The following KCNH1 variants were observed in gnomAD, a reference collection of about 807,000 sequenced individuals.
The protein encoded by KCNH1 is voltage-gated delayed rectifier potassium channel KCNH1.
A neutral mutation model predicts 69.2 loss-of-function variants in KCNH1; 27 were observed. That is an observed-to-expected ratio of 0.39 (90% CI 0.29 to 0.54). The LOEUF (loss-of-function observed/expected upper bound fraction) is 0.54, where lower values mean the gene tolerates loss of function less well. KCNH1 is among the 20% of genes least tolerant of loss of function. KCNH1 has a pLI of 0.68. For missense variants in KCNH1, 798 were observed against 1,261.6 expected, an observed-to-expected ratio of 0.63 and a Z score of 5.57; for synonymous variants, 456 against 487.7, an observed-to-expected ratio of 0.93 and a Z score of 0.86.
intron 10 of KCNH1, among the ~76,000 whole-genome samples, chr1:210,716,026 T>C (rs539886534): frequency 1.3e-5 from 2 of 152,140 alleles, no homozygotes; most frequent in Non-Finnish European, 2.9e-5. Flanking sequence ...CTAGGAAATT[T>C]ATGTATCACA....
chr1:210,731,231 C>T (rs73067484), intron 10 of KCNH1, among the ~76,000 whole-genome samples: 3,132 of 152,264 alleles, frequency 0.021, 101 homozygotes, highest in African/African-American at 0.069. Context: ...TTACAGTGAG[C>T]GTGTATCCAT....
At chr1:210,790,335 A>G (rs1039726932) in intron 9 of KCNH1, among the ~76,000 whole-genome samples, 1 of 152,062 alleles carries the variant, frequency 6.6e-6, no homozygotes, top group Non-Finnish European at 1.5e-5. Context: ...GCTCACCGTT[A>G]TCTCTCTCAC....
In KCNH1 at chr1:211,090,640, C is replaced by A; in HGVS notation, c.361G>T (p.Asp121Tyr). 1 of 1,608,756 alleles carries A rather than the reference C, an allele frequency of 6.2e-7. No homozygotes were observed. Among genetic ancestry groups the A allele is most frequent in the Non-Finnish European group, 8.5e-7 (1 of 1,178,932 alleles). The change falls in exon 4 of 11, where the codon GAT (aspartate) becomes TAT (tyrosine). Residue 121 changes from aspartate to tyrosine, a missense_variant. Asp to Tyr is a radical substitution (Grantham distance 160). This residue lies in a region of KCNH1 where 266 missense variants were observed against 457.2 expected (regional missense o/e 0.58). Coordinates refer to ENST00000271751, the MANE Select transcript of KCNH1 (RefSeq NM_172362.3). ...GTGCAAAGAAATAAAACCACTTTAT[C>A]CTGTTCGTTTCGAATTGGAGCAATT... ...VKIAPIRNEQ[D>Y]KVVLFLCTFS...
intron 9 of KCNH1, among the ~76,000 whole-genome samples, chr1:210,796,767 A>G (rs933621393): frequency 6.6e-6 from 1 of 152,058 alleles, no homozygotes; most frequent in South Asian, 2.1e-4. Flanking sequence ...TCAGGCCACC[A>G]TCAACTTACC....
chr1:210,965,734 G>A (rs999326384), intron 6 of KCNH1, among the ~76,000 whole-genome samples: 3 of 152,084 alleles, frequency 2.0e-5, no homozygotes, highest in Admixed American at 1.3e-4. Flanking sequence ...AATAAGAGAG[G>A]ACATAAACAA....
chr1:210,847,957 T>G (rs1315132929), intron 7 of KCNH1, among the ~76,000 whole-genome samples: 1 of 152,104 alleles, frequency 6.6e-6, no homozygotes, highest in Non-Finnish European at 1.5e-5. Flanking sequence ...GTGGGCCAGA[T>G]CCTGGAAGGC....
At chr1:210,982,296 T>A (rs544735746) in intron 6 of KCNH1, among the ~76,000 whole-genome samples, 1 of 152,016 alleles carries the variant, frequency 6.6e-6, no homozygotes, top group East Asian at 1.9e-4. Flanking sequence ...TAGGGTAAAG[T>A]TTTAGGGTAC....
chr1:210,847,670 T>G (rs936392921), intron 7 of KCNH1, among the ~76,000 whole-genome samples: 1 of 151,962 alleles, frequency 6.6e-6, no homozygotes, highest in African/African-American at 2.4e-5. Flanking sequence ...AGATGGCACA[T>G]GTATACATAT....
intron 7 of KCNH1, among the ~76,000 whole-genome samples, chr1:210,827,366 T>C (rs1461527619): frequency 1.3e-5 from 2 of 151,832 alleles, no homozygotes; most frequent in Non-Finnish European, 2.9e-5. Flanking sequence ...AAAAGAAATA[T>C]CAGCTTTTAA....
chr1:210,932,722 T>A lies in KCNH1; in HGVS notation c.1033-12653A>T, dbSNP rs145238238. Among the ~76,000 whole-genome samples, 15 of 152,196 alleles carry A rather than the reference T, an allele frequency of 9.9e-5. No homozygotes were observed. In the East Asian group the frequency reaches 2.9e-3, roughly 29 times the overall value. ...GCAGGAGTAGCACACTTATGTCAGA[T>A]AAAATAAACTTTAAGCCAAAAACTG... On this transcript the variant is annotated intron_variant, in intron 6 of 10. Coordinates refer to ENST00000271751, the MANE Select transcript of KCNH1 (RefSeq NM_172362.3).
chr1:211,010,991 T>A lies in KCNH1; in HGVS notation c.1032+7792A>T, dbSNP rs577605905. Among the ~76,000 whole-genome samples the A allele has an allele frequency of 2.3e-4, 35 of 152,234 alleles. 1 individual carries two copies. The highest frequency in any genetic ancestry group is 3.4e-3 in the Middle Eastern group (1 of 294). ...TCCCCAGTGCTAAACTCTTTTTTTT[T>A]AATCATACTTTAAGCTCTGGGATAC... On this transcript the variant is annotated intron_variant, in intron 6 of 10. Transcript: ENST00000271751.
Position 211,119,108 on chromosome 1 carries a change from C to T in KCNH1, c.80-11731G>A, listed in dbSNP as rs11801765. ...GGGCGCGGTGGCTCATGCCTGTAAT[C>T]CCAGCACTTTGGGAGGCCGAGGCAG... is the stretch of plus-strand genomic sequence containing the variant. On this transcript the variant is annotated intron_variant, in intron 1 of 10. Coordinates refer to ENST00000271751, the MANE Select transcript of KCNH1 (RefSeq NM_172362.3). Among the ~76,000 whole-genome samples, 1,174 of 152,316 alleles carry T rather than the reference C, an allele frequency of 7.7e-3. 17 individuals carry two copies. The highest frequency in any genetic ancestry group is 0.025 in the African/African-American group (1,023 of 41,560).
chr1:210,940,209 T>C (rs1042001878), intron 6 of KCNH1, among the ~76,000 whole-genome samples: 1 of 152,210 alleles, frequency 6.6e-6, no homozygotes, highest in African/African-American at 2.4e-5. Context: ...AATCATTTCC[T>C]GAAAACCTAG....
At chr1:211,115,717 G>GTATATA (rs1178328609) in intron 1 of KCNH1, among the ~76,000 whole-genome samples, 4 of 96,722 alleles carry the variant, frequency 4.1e-5, no homozygotes, top group Non-Finnish European at 9.1e-5. Context: ...ATATATATAT[G>GTATATA]TATATATATA....
At chr1:211,107,398 G>C (rs762316179) in intron 1 of KCNH1, 21 bp from the exon 2 acceptor site, 1 of 1,563,174 alleles carries the variant, frequency 6.4e-7, no homozygotes, top group East Asian at 2.3e-5. Context: ...AAAAAAAAAG[G>C]GAAAAAAGGG....
chr1:210,899,844 A>G (rs1171584903), intron 7 of KCNH1, among the ~76,000 whole-genome samples: 1 of 152,226 alleles, frequency 6.6e-6, no homozygotes, highest in African/African-American at 2.4e-5. Flanking sequence ...ACAGAATTCA[A>G]GCCTATGTCT....
chr1:210,853,946 C>CAA (rs11445997), intron 7 of KCNH1, among the ~76,000 whole-genome samples: 1,304 of 61,198 alleles, frequency 0.021, 37 homozygotes, highest in East Asian at 0.04. Flanking sequence ...TTATCTAAGC[C>CAA]AAAAAAAAAA....
intron 8 of KCNH1, among the ~76,000 whole-genome samples, chr1:210,799,066 C>T (rs994792442): frequency 1.3e-5 from 2 of 150,470 alleles, no homozygotes; most frequent in Admixed American, 1.3e-4. Flanking sequence ...AAATAGTAAG[C>T]AAAATAAATA....
intron 6 of KCNH1, among the ~76,000 whole-genome samples, chr1:211,008,215 C>G (rs895235671): frequency 6.6e-5 from 10 of 152,148 alleles, no homozygotes. Flanking sequence ...AAATATCATT[C>G]ATCCTTAAAA....
Sources: gnomAD v4.1 joint callset for allele counts (sites outside exome capture counted in the v4.1 genomes callset) on GRCh38, gnomAD v4.1.1 for gene constraint, gnomAD v4.1.1 regional missense constraint, MANE v1.5 for transcripts, NCBI Gene and HGNC (gene_info 2026-07-23, HGNC 2026-07-21) for gene names.